Variants in CLPTM1L observed in about 807,000 individuals in gnomAD.
CLPTM1L encodes CLPTM1 like.
CLPTM1L carries 38 observed loss-of-function variants against 70.9 expected under a neutral mutation model. That is an observed-to-expected ratio of 0.54 (90% CI 0.41 to 0.70). CLPTM1L has a LOEUF of 0.70. Among genes scored for constraint, CLPTM1L ranks in the 30% least tolerant of loss-of-function variants. The probability of loss-of-function intolerance (pLI) is 0.00; values close to 1 mark genes in which losing one functional copy is unlikely to be tolerated. For missense variants in CLPTM1L, 652 were observed against 705.9 expected, an observed-to-expected ratio of 0.92 and a Z score of 0.87; for synonymous variants, 339 against 299.9, an observed-to-expected ratio of 1.13 and a Z score of -1.35.
intron 5 of CLPTM1L, among the ~76,000 whole-genome samples, chr5:1,335,375 G>C (rs925549745): frequency 6.6e-6 from 1 of 152,218 alleles, no homozygotes; most frequent in Non-Finnish European, 1.5e-5. Flanking sequence ...CCAGCACAGG[G>C]AGGTTCCCAC....
At chr5:1,324,030 C>T (rs1215982989) in intron 11 of CLPTM1L, 161 bp from the exon 12 acceptor site, 1 of 626,852 alleles carries the variant, frequency 1.6e-6, no homozygotes, top group South Asian at 1.9e-5. Flanking sequence ...ACAGGCAGGG[C>T]ATCGCACACT....
At chr5:1,338,827 C>T (rs1753750068) in intron 4 of CLPTM1L, 33 bp downstream of exon 4, 1 of 1,611,134 alleles carries the variant, frequency 6.2e-7, no homozygotes, top group Non-Finnish European at 8.5e-7. Flanking sequence ...CAGCACCCTC[C>T]CCCCGGCGCT....
chr5:1,335,868 C>T (rs1753544319), intron 5 of CLPTM1L, among the ~76,000 whole-genome samples: 1 of 152,180 alleles, frequency 6.6e-6, no homozygotes. Context: ...GTGACCACAC[C>T]CGGTGAGCAC....
chr5:1,318,389 G>A lies in CLPTM1L; in HGVS notation c.1597C>T (p.Arg533Trp), dbSNP rs375483144. ...GGCCTTCAGTCCGTGTGGGGCGCCC[G>A]CGTGGCCTTCTCCTCGTAGGACTCC... ...FGESYEEKAT[R>W]APHTD is the part of the protein sequence containing the mutation. The change falls in exon 17 of 17, where the codon CGG becomes TGG. Residue 533 changes from arginine to tryptophan, a missense_variant. This residue lies in a region of CLPTM1L where 240 missense variants were observed against 295.0 expected (regional missense o/e 0.81). Coordinates refer to ENST00000320895, the MANE Select transcript of CLPTM1L (RefSeq NM_030782.5). This position sits in a 1 kb window ranked among gnomAD's most constrained non-coding sequence, Gnocchi z 8.9. 181 of 1,613,606 alleles carry A rather than the reference G, an allele frequency of 1.1e-4. 1 individual carries two copies. Among genetic ancestry groups the A allele is most frequent in the South Asian group, 3.0e-4 (27 of 91,084 alleles).
At chr5:1,334,405 A>G in intron 6 of CLPTM1L, 22 bp from the exon 7 acceptor site, 1 of 1,438,632 alleles carries the variant, frequency 7.0e-7, no homozygotes, top group South Asian at 1.2e-5. Context: ...AAAAAAACAT[A>G]CAATATAAAA....
At chr5:1,320,763 CA>C (rs1339035521) in intron 15 of CLPTM1L, 32 bp from the exon 16 acceptor site, 6 of 1,311,588 alleles carry the variant, frequency 4.6e-6, no homozygotes, top group African/African-American at 3.0e-5. Flanking sequence ...GGGTGAACCC[CA>C]GTTGCTGGGG....
At chr5:1,326,568 C>T (rs1752567696) in intron 9 of CLPTM1L, 1 of 274,216 alleles carries the variant, frequency 3.6e-6, no homozygotes, top group Non-Finnish European at 6.7e-6. Context: ...ACATTCCATC[C>T]AGCTCCTCCT....
chr5:1,329,918 C>T (rs918266968), intron 9 of CLPTM1L, among the ~76,000 whole-genome samples: 3 of 141,868 alleles, frequency 2.1e-5, no homozygotes, highest in Non-Finnish European at 4.6e-5. Flanking sequence ...TCAGGACTCT[C>T]TGCTTGGTGG....
chr5:1,320,347 T>A (rs1045365002), intron 16 of CLPTM1L: 3 of 384,592 alleles, frequency 7.8e-6, no homozygotes, highest in Non-Finnish European at 1.4e-5. Context: ...GGAGAGACAT[T>A]TGCTTTCAGT....
At position 1,318,560 on chromosome 5, in the gene CLPTM1L, A is replaced by G; in HGVS notation, c.1533-107T>C. On this transcript the variant is annotated intron_variant, in intron 16 of 16. Coordinates refer to ENST00000320895, the MANE Select transcript of CLPTM1L (RefSeq NM_030782.5). This position sits in a 1 kb window ranked among gnomAD's most constrained non-coding sequence, Gnocchi z 8.9. Reference sequence around the variant, plus strand: ...TATTTTCCAGTGAGCTGCCACAGTGAGCAAATTAACTAAAAAGTCGAATCC... The same window carrying G: ...TATTTTCCAGTGAGCTGCCACAGTGGGCAAATTAACTAAAAAGTCGAATCC... The G allele has an allele frequency of 1.1e-6, 1 of 880,838 alleles. No individual in the cohort carries two copies. Among genetic ancestry groups the G allele is most frequent in the Non-Finnish European group, 1.8e-6 (1 of 549,680 alleles). The allele number at this position is 880,838 out of a possible 1,614,324, so 54.6% of individuals were successfully genotyped here. A position where few individuals can be genotyped will look rare whatever the true frequency, so the allele number is the denominator to read the frequency against.
intron 3 of CLPTM1L, among the ~76,000 whole-genome samples, chr5:1,341,180 C>T (rs909145587): frequency 5.3e-5 from 8 of 152,220 alleles, no homozygotes; most frequent in South Asian, 2.1e-4. Flanking sequence ...TTTTTATTTG[C>T]GCATACACCT....
In CLPTM1L at chr5:1,344,347, A is replaced by G. The variant is rs1754136874; in HGVS notation, c.263+4T>C. Reference sequence around the variant, plus strand: ...TTCACTGGCATTTTGTCCTACGCCCATACCTTTCAAATTTGGACTCCACAT... The same window carrying G: ...TTCACTGGCATTTTGTCCTACGCCCGTACCTTTCAAATTTGGACTCCACAT... On this transcript the variant is annotated splice_donor_region_variant and intron_variant, in intron 2 of 16. Coordinates refer to ENST00000320895, the MANE Select transcript of CLPTM1L (RefSeq NM_030782.5). The G allele has an allele frequency of 1.2e-6, 2 of 1,602,890 alleles. No individual in the cohort carries two copies. The highest frequency in any genetic ancestry group is 1.7e-4 in the Middle Eastern group (1 of 6,050).
chr5:1,344,516 C>T (rs1370723190), intron 1 of CLPTM1L, 65 bp from the exon 2 acceptor site: 14 of 1,519,512 alleles, frequency 9.2e-6, no homozygotes, highest in Middle Eastern at 1.7e-4. Context: ...TCAAATCCCA[C>T]GGCCAGCTGG....
At chr5:1,339,570 G>A (rs1753812793) in intron 3 of CLPTM1L, among the ~76,000 whole-genome samples, 2 of 127,878 alleles carry the variant, frequency 1.6e-5, no homozygotes, top group Admixed American at 1.6e-4. Flanking sequence ...AACCGCGCCC[G>A]GACAGCAGGG....
intron 9 of CLPTM1L, chr5:1,326,244 G>C (rs77598939): frequency 4.0e-6 from 1 of 248,158 alleles, no homozygotes; most frequent in Non-Finnish European, 7.8e-6. Flanking sequence ...AGCCGGGCAC[G>C]GCACTGTGAC....
In CLPTM1L at chr5:1,324,953, CGAG is replaced by C. The variant is rs904991794; in HGVS notation, c.1147-143_1147-141del. On this transcript the variant is annotated intron_variant, in intron 10 of 16. Coordinates refer to ENST00000320895, the MANE Select transcript of CLPTM1L (RefSeq NM_030782.5). ...AGAGGGCGCTCAGGTCCCTACCAGGCGAGGAGAGGACCCAGAGGACGGGGATCC... is the reference window on the plus strand; with the variant it reads ...AGAGGGCGCTCAGGTCCCTACCAGGCGAGAGGACCCAGAGGACGGGGATCC... 3.2e-5 allele frequency: 23 copies of C among 719,604 alleles called. No individual in the cohort carries two copies. In the African/African-American group the frequency reaches 3.7e-4, roughly 11 times the overall value. The allele number at this position is 719,604 out of a possible 1,614,324, so 44.6% of individuals were successfully genotyped here.
intron 7 of CLPTM1L, chr5:1,332,139 C>T (rs1332499284): frequency 3.5e-5 from 17 of 491,880 alleles, no homozygotes; most frequent in Non-Finnish European, 6.3e-5. Flanking sequence ...GCTGGAAAGG[C>T]CCCCAGGCAA....
rs1002961726 is a variant in CLPTM1L at position 1,325,650 on chromosome 5, G to A, written c.1146+101C>T. Reference sequence around the variant, plus strand: ...ACGGAGGCTCCCCTGACAGAGGCCCGCAGTGACTCATCTGCAGATGGCCAT... The same window carrying A: ...ACGGAGGCTCCCCTGACAGAGGCCCACAGTGACTCATCTGCAGATGGCCAT... On this transcript the variant is annotated intron_variant, in intron 10 of 16. Coordinates refer to ENST00000320895, the MANE Select transcript of CLPTM1L (RefSeq NM_030782.5). 93 of 928,052 alleles carry A rather than the reference G, an allele frequency of 1.0e-4. 1 individual carries two copies. The highest frequency in any genetic ancestry group is 6.6e-5 in the Non-Finnish European group (38 of 574,168). 57.5% of individuals were successfully genotyped at this position (928,052 alleles called of 1,614,324 possible).
rs1323590194 is a variant in CLPTM1L at position 1,317,779 on chromosome 5, A to G, written c.*590T>C. On this transcript the variant is annotated 3_prime_UTR_variant, in exon 17 of 17. Transcript: ENST00000320895. The stretch of plus-strand genomic sequence containing the variant: ...CTCTTTAAATTTGCTCTTTTAATGC[A>G]TAAATAAATCCATATCATGTATTAC... The G allele has an allele frequency of 6.6e-6, 1 of 152,330 alleles. No individual in the cohort carries two copies. The highest frequency in any genetic ancestry group is 1.9e-4 in the East Asian group (1 of 5,208). The allele number at this position is 152,330 out of a possible 1,614,324, so 9.4% of individuals were successfully genotyped here. A position where few individuals can be genotyped will look rare whatever the true frequency, so the allele number is the denominator to read the frequency against.
Sources: allele counts gnomAD v4.1 joint callset (sites outside exome capture counted in the v4.1 genomes callset), GRCh38; gene constraint gnomAD v4.1.1; regional missense constraint gnomAD v4.1.1; non-coding constraint Gnocchi (gnomAD v3.1); transcripts MANE v1.5; gene names NCBI Gene and HGNC (gene_info 2026-07-23, HGNC 2026-07-21).